Variants in IFT81 observed in about 807,000 individuals in gnomAD.
The protein encoded by IFT81 is intraflagellar transport 81, also known as intraflagellar transport protein 81 homolog.
IFT81 carries 72 observed loss-of-function variants against 102.6 expected under a neutral mutation model. That is an observed-to-expected ratio of 0.70 (90% CI 0.58 to 0.85). The LOEUF is 0.85. IFT81 is among the 40% of genes least tolerant of loss of function. The pLI is 0.00. For missense variants in IFT81, 723 were observed against 787.3 expected, an observed-to-expected ratio of 0.92 and a Z score of 0.98; for synonymous variants, 237 against 242.7, an observed-to-expected ratio of 0.98 and a Z score of 0.22.
At chr12:110,184,075 G>T (rs1897414990) in intron 12 of IFT81, among the ~76,000 whole-genome samples, 1 of 152,198 alleles carries the variant, frequency 6.6e-6, no homozygotes, top group Non-Finnish European at 1.5e-5. Context: ...ATTAGGCTAG[G>T]CATGGTGGCT....
At chr12:110,125,738 C>T (rs1187883006) in intron 1 of IFT81, among the ~76,000 whole-genome samples, 1 of 152,184 alleles carries the variant, frequency 6.6e-6, no homozygotes, top group East Asian at 1.9e-4. Context: ...AAGCATTTAC[C>T]TAGGTAAAGC....
At chr12:110,129,644 G>A (rs909785657) in intron 4 of IFT81, among the ~76,000 whole-genome samples, 2 of 152,020 alleles carry the variant, frequency 1.3e-5, no homozygotes, top group Non-Finnish European at 2.9e-5. Context: ...GATAGATTCC[G>A]GAGTTTGAAA....
At position 110,132,558 on chromosome 12, in the gene IFT81, A is replaced by G. The variant is rs1031143304; in HGVS notation, c.441A>G (p.Leu147=). The G allele has an allele frequency of 2.0e-6, 3 of 1,486,340 alleles. No individual in the cohort carries two copies. Among genetic ancestry groups the G allele is most frequent in the Admixed American group, 1.8e-5 (1 of 56,206 alleles). 92.1% of individuals were successfully genotyped at this position (1,486,340 alleles called of 1,614,324 possible). A position where few individuals can be genotyped will look rare whatever the true frequency, so the allele number is the denominator to read the frequency against. The change falls in exon 5 of 19, where the codon TTA becomes TTG. Residue 147 remains leucine, a synonymous_variant. Coordinates refer to ENST00000242591, the MANE Select transcript of IFT81 (RefSeq NM_014055.4). The part of the protein sequence containing the change: ...VADTNKQYEE[L]MEAFKTLHKE... The stretch of plus-strand genomic sequence containing the variant: ...ACTTATTCTTCTAGTATGAAGAGTT[A>G]ATGGAAGCCTTTAAAACTTTGCATA...
At chr12:110,163,571 G>C (rs1896266068) in intron 11 of IFT81, among the ~76,000 whole-genome samples, 2 of 149,654 alleles carry the variant, frequency 1.3e-5, no homozygotes, top group East Asian at 4.0e-4. Flanking sequence ...TAAAATGGCA[G>C]ATATGTTAAT....
At chr12:110,213,488 G>A (rs1869723158) in intron 18 of IFT81, among the ~76,000 whole-genome samples, 1 of 152,156 alleles carries the variant, frequency 6.6e-6, no homozygotes, top group Admixed American at 6.5e-5. Flanking sequence ...CTTCTATCAG[G>A]AGGCTTTCTT....
At chr12:110,132,270 C>T (rs953673586) in intron 4 of IFT81, among the ~76,000 whole-genome samples, 8 of 151,890 alleles carry the variant, frequency 5.3e-5, no homozygotes, top group African/African-American at 1.9e-4. Context: ...CGAGACCAGC[C>T]TGAACATGGT....
chr12:110,196,833 A>G (rs1445121570), intron 14 of IFT81, among the ~76,000 whole-genome samples: 2 of 152,024 alleles, frequency 1.3e-5, no homozygotes, highest in Non-Finnish European at 2.9e-5. Context: ...CTTTCTTATG[A>G]TTAGTATTGC....
intron 15 of IFT81, 199 bp downstream of exon 15, chr12:110,204,149 A>G (rs539500124): frequency 1.4e-5 from 7 of 487,052 alleles, no homozygotes; most frequent in African/African-American, 1.4e-4. Context: ...TGTTTTAAAT[A>G]CTGCCCGTGT....
intron 12 of IFT81, among the ~76,000 whole-genome samples, chr12:110,184,333 G>A (rs888827727): frequency 1.3e-5 from 2 of 152,090 alleles, no homozygotes; most frequent in Admixed American, 1.3e-4. Context: ...CTGGGTGACA[G>A]AGCGAGACTC....
chr12:110,193,521 A>G (rs1897882603), intron 14 of IFT81, among the ~76,000 whole-genome samples: 1 of 152,210 alleles, frequency 6.6e-6, no homozygotes, highest in Admixed American at 6.5e-5. Context: ...CTTTAAAGAT[A>G]AATTGTCAGA....
At position 110,145,200 on chromosome 12, in the gene IFT81, T is replaced by G. The variant is rs1302694187; in HGVS notation, c.945+1655T>G. Among the ~76,000 whole-genome samples, 6 of 151,734 alleles carry G rather than the reference T, an allele frequency of 4.0e-5. No homozygotes were observed. In the East Asian group the frequency reaches 1.2e-3, roughly 29 times the overall value. On this transcript the variant is annotated intron_variant, in intron 9 of 18. Transcript: ENST00000242591. Reference sequence around the variant, plus strand: ...GGTGCATGCCACCAGTTCTGGCCAATTTTTGAATTTTTTGTACAGACAGGG... The same window carrying G: ...GGTGCATGCCACCAGTTCTGGCCAAGTTTTGAATTTTTTGTACAGACAGGG...
At chr12:110,162,667 T>G (rs567666149) in intron 10 of IFT81, among the ~76,000 whole-genome samples, 1 of 152,274 alleles carries the variant, frequency 6.6e-6, no homozygotes, top group East Asian at 1.9e-4. Context: ...TTTTTGTTTC[T>G]CTGCTGATAT....
At chr12:110,137,122 G>A (rs181487613) in intron 8 of IFT81, among the ~76,000 whole-genome samples, 1 of 152,130 alleles carries the variant, frequency 6.6e-6, no homozygotes, top group Admixed American at 6.5e-5. Flanking sequence ...CCGAGGTGGC[G>A]AGAGGTCAGG....
chr12:110,215,915 A>G (rs985843112), intron 18 of IFT81, among the ~76,000 whole-genome samples: 1 of 150,884 alleles, frequency 6.6e-6, no homozygotes, highest in Non-Finnish European at 1.5e-5. Context: ...TCTAAGAAGG[A>G]TTTTGGCTTA....
chr12:110,125,605 G>C (rs1321146708), intron 1 of IFT81, among the ~76,000 whole-genome samples: 2 of 152,162 alleles, frequency 1.3e-5, no homozygotes, highest in Non-Finnish European at 2.9e-5. Context: ...ATGTTGGCCA[G>C]GCTGGCCTCG....
At chr12:110,148,580 A>G (rs567214922) in intron 10 of IFT81, among the ~76,000 whole-genome samples, 1 of 152,000 alleles carries the variant, frequency 6.6e-6, no homozygotes, top group African/African-American at 2.4e-5. Context: ...GGTTCAAGCA[A>G]TTCCCTGCTT....
At chr12:110,217,496 T>C (rs1009899507) in intron 18 of IFT81, among the ~76,000 whole-genome samples, 25 of 152,208 alleles carry the variant, frequency 1.6e-4, no homozygotes, top group African/African-American at 5.8e-4. Context: ...TGTTCCACTT[T>C]CCTAACTATC....
intron 12 of IFT81, among the ~76,000 whole-genome samples, chr12:110,188,972 A>C (rs1031803199): frequency 1.6e-4 from 24 of 152,034 alleles, no homozygotes; most frequent in Non-Finnish European, 1.5e-5. Context: ...GTACCTTCAC[A>C]TTGCCAAATC....
In IFT81 at chr12:110,153,671, C is replaced by T. The variant is rs150906241; in HGVS notation, c.1041+6623C>T. Among the ~76,000 whole-genome samples the T allele has an allele frequency of 6.1e-3, 905 of 148,648 alleles. 3 individuals carry two copies. Among genetic ancestry groups the T allele is most frequent in the African/African-American group, 0.021 (859 of 40,346 alleles). On this transcript the variant is annotated intron_variant, in intron 10 of 18. Coordinates refer to ENST00000242591, the MANE Select transcript of IFT81 (RefSeq NM_014055.4). ...TGTTACCCAGGCTGGAGTGCAATGG[C>T]GTGATCTTGGCTCACCGCAACCTCC...
Sources: allele counts gnomAD v4.1 joint callset (sites outside exome capture counted in the v4.1 genomes callset), GRCh38; gene constraint gnomAD v4.1.1; transcripts MANE v1.5; gene names NCBI Gene and HGNC (gene_info 2026-07-23, HGNC 2026-07-21).